PARD3B: variants seen among roughly 807,000 people sequenced by gnomAD.
PARD3B encodes the protein partitioning defective 3 homolog B.
In PARD3B, 103 loss-of-function variants were observed where a neutral mutation model predicts 130.2. The ratio of observed to expected loss-of-function variants is 0.79; its 90% CI spans 0.67 to 0.93. The LOEUF is 0.93. PARD3B is among the 40% of genes least tolerant of loss of function. The pLI, the probability that PARD3B is intolerant of heterozygous loss-of-function variation, is 0.00. For synonymous variants in PARD3B, 583 were observed against 553.2 expected, an observed-to-expected ratio of 1.05 and a Z score of -0.76; for missense variants, 1,609 against 1,499.2, an observed-to-expected ratio of 1.07 and a Z score of -1.21.
At chr2:204,684,436 A>C (rs2036982015) in intron 1 of PARD3B, among the ~76,000 whole-genome samples, 2 of 152,234 alleles carry the variant, frequency 1.3e-5, no homozygotes, top group Non-Finnish European at 2.9e-5. Context: ...TACAAGGAAT[A>C]AATAATACTT....
intron 10 of PARD3B, among the ~76,000 whole-genome samples, chr2:205,134,001 C>G (rs1007531326): frequency 1.1e-4 from 16 of 152,126 alleles, no homozygotes; most frequent in Admixed American, 8.5e-4. Context: ...CTTATCACCT[C>G]TATTGGAGGC....
rs1328385561 is a variant in PARD3B at position 205,617,679 on chromosome 2, T to C, written c.*1866T>C. ...GCACCTTTAGAGTGTTTGCAATTTGTTCGAAGTGGTTGAGGATCTCAGGCC... is the reference window on the plus strand; with the variant it reads ...GCACCTTTAGAGTGTTTGCAATTTGCTCGAAGTGGTTGAGGATCTCAGGCC... On this transcript the variant is annotated 3_prime_UTR_variant, in exon 23 of 23. Coordinates refer to ENST00000406610, the MANE Select transcript of PARD3B (RefSeq NM_001302769.2). 1 of 152,178 alleles carries C rather than the reference T, an allele frequency of 6.6e-6. No individual in the cohort carries two copies. Among genetic ancestry groups the C allele is most frequent in the African/African-American group, 2.4e-5 (1 of 41,448 alleles). The allele number at this position is 152,178 out of a possible 1,614,324, so 9.4% of individuals were successfully genotyped here.
At position 205,616,048 on chromosome 2, in the gene PARD3B, C is replaced by A; in HGVS notation, c.*235C>A. 1.9e-6 allele frequency: 1 copy of A among 525,412 alleles called. No individual in the cohort carries two copies. Among genetic ancestry groups the A allele is most frequent in the Non-Finnish European group, 3.3e-6 (1 of 299,164 alleles). The allele number at this position is 525,412 out of a possible 1,614,324, so 32.5% of individuals were successfully genotyped here. ...AGATGGGGCTATAAAAACAAAACTA[C>A]CTGATAGTTGAAACGCTTTCAGAGT... is the stretch of plus-strand genomic sequence containing the variant. On this transcript the variant is annotated 3_prime_UTR_variant, in exon 23 of 23. Coordinates refer to ENST00000406610, the MANE Select transcript of PARD3B (RefSeq NM_001302769.2).
chr2:205,008,944 C>A (rs561912982), intron 3 of PARD3B, among the ~76,000 whole-genome samples: 3 of 152,156 alleles, frequency 2.0e-5, no homozygotes, highest in African/African-American at 7.2e-5. Flanking sequence ...AATTACCATC[C>A]AGGCTACACT....
chr2:205,589,628 A>G lies in PARD3B; in HGVS notation c.3261-25828A>G, dbSNP rs550083218. ...CAAGACTTGTCTTGGCATGTTTTCTATTTATATAACTAATTGCAAATTAAT... is the reference window on the plus strand; with the variant it reads ...CAAGACTTGTCTTGGCATGTTTTCTGTTTATATAACTAATTGCAAATTAAT... On this transcript the variant is annotated intron_variant, in intron 22 of 22. Coordinates refer to ENST00000406610, the MANE Select transcript of PARD3B (RefSeq NM_001302769.2). This position sits in a 1 kb window ranked among gnomAD's most constrained non-coding sequence, Gnocchi z 4.1. Among the ~76,000 whole-genome samples the G allele has an allele frequency of 3.3e-5, 5 of 152,272 alleles. No homozygotes were observed. Among genetic ancestry groups the G allele is most frequent in the South Asian group, 2.1e-4 (1 of 4,826 alleles).
chr2:204,760,211 A>G (rs187723166), intron 2 of PARD3B, among the ~76,000 whole-genome samples: 1 of 152,256 alleles, frequency 6.6e-6, no homozygotes, highest in East Asian at 1.9e-4. Flanking sequence ...AGTGGGTTGT[A>G]ACATACTCAA....
intron 10 of PARD3B, among the ~76,000 whole-genome samples, chr2:205,127,296 C>CA (rs34822432): frequency 0.57 from 57,068 of 100,184 alleles, 14,386 homozygotes; most frequent in South Asian, 0.64. Flanking sequence ...GACTCTGTCT[C>CA]AAAAAAAAAA....
intron 4 of PARD3B, among the ~76,000 whole-genome samples, chr2:205,093,223 A>G (rs796744879): frequency 1.3e-5 from 2 of 152,150 alleles, no homozygotes; most frequent in African/African-American, 4.8e-5. Context: ...AAAGTTAACT[A>G]AGACCCTTTA....
At chr2:204,786,718 G>A (rs890363532) in intron 2 of PARD3B, among the ~76,000 whole-genome samples, 3 of 150,290 alleles carry the variant, frequency 2.0e-5, no homozygotes, top group South Asian at 2.2e-4. Flanking sequence ...TTTAGTGAGC[G>A]AATAACAAAA....
chr2:205,043,727 A>G (rs1225983728), intron 3 of PARD3B, among the ~76,000 whole-genome samples: 1 of 152,064 alleles, frequency 6.6e-6, no homozygotes, highest in Non-Finnish European at 1.5e-5. Context: ...GGTTTTGCCC[A>G]AATTATCTTC....
chr2:205,501,816 A>G (rs2050168584), intron 21 of PARD3B, among the ~76,000 whole-genome samples: 1 of 152,184 alleles, frequency 6.6e-6, no homozygotes, highest in African/African-American at 2.4e-5. Flanking sequence ...GAGCTAGATA[A>G]CTATACCCTT....
At chr2:205,546,320 G>C (rs910347638) in intron 21 of PARD3B, among the ~76,000 whole-genome samples, 1 of 152,010 alleles carries the variant, frequency 6.6e-6, no homozygotes, top group Non-Finnish European at 1.5e-5. Flanking sequence ...AAGTTCTAAC[G>C]TTACACTGTT....
intron 5 of PARD3B, among the ~76,000 whole-genome samples, chr2:205,110,294 C>A (rs1703539072): frequency 6.6e-6 from 1 of 152,202 alleles, no homozygotes; most frequent in Non-Finnish European, 1.5e-5. Context: ...AGTCTTTCTT[C>A]TGGATGGAAA....
At chr2:204,949,169 T>G (rs1459387981) in intron 2 of PARD3B, among the ~76,000 whole-genome samples, 2 of 152,198 alleles carry the variant, frequency 1.3e-5, no homozygotes, top group Non-Finnish European at 2.9e-5. Flanking sequence ...TGGGACTTAT[T>G]TCTCTTAACC....
At chr2:204,632,244 A>G (rs751196298) in intron 1 of PARD3B, among the ~76,000 whole-genome samples, 1 of 152,058 alleles carries the variant, frequency 6.6e-6, no homozygotes, top group Non-Finnish European at 1.5e-5. Context: ...GCCTTCTGCC[A>G]TGATTGTAAG....
rs773457751 is a variant in PARD3B at position 205,176,556 on chromosome 2, A to G, written c.1903A>G (p.Ser635Gly). Residue 635 changes from serine to glycine, a missense_variant, in exon 13 of 23, where the codon AGT becomes GGT. Ser to Gly is a moderately conservative substitution (Grantham distance 56). Transcript: ENST00000406610. The surrounding 1 kb of genome is among the most constrained non-coding windows in gnomAD (Gnocchi z 5.3). ...NSILHPLGTC[S>G]PQDKQKGLLL... ...TATCCTGCATCCACTTGGCACTTGCAGTCCACAAGACAAACAGAAAGGTAA... is the reference window on the plus strand; with the variant it reads ...TATCCTGCATCCACTTGGCACTTGCGGTCCACAAGACAAACAGAAAGGTAA... 1.9e-6 allele frequency: 3 copies of G among 1,611,584 alleles called. No homozygotes were observed. The highest frequency in any genetic ancestry group is 3.4e-5 in the Admixed American group (2 of 59,650).
intron 18 of PARD3B, among the ~76,000 whole-genome samples, chr2:205,320,988 TTC>T (rs1374912594): frequency 7.9e-5 from 12 of 152,234 alleles, no homozygotes; most frequent in Admixed American, 5.2e-4. Context: ...TCAGAAAGCA[TTC>T]TCTTACTAGT....
intron 21 of PARD3B, among the ~76,000 whole-genome samples, chr2:205,508,035 GA>G (rs1331023924): frequency 6.6e-6 from 1 of 152,194 alleles, no homozygotes; most frequent in Non-Finnish European, 1.5e-5. Context: ...TCTGAGTACA[GA>G]TTGTCTCAGC....
intron 3 of PARD3B, among the ~76,000 whole-genome samples, chr2:205,004,192 C>G (rs1314669669): frequency 6.6e-6 from 1 of 152,150 alleles, no homozygotes; most frequent in African/African-American, 2.4e-5. Flanking sequence ...GTCTTTAGCC[C>G]TGAAGGCTCT....
Sources: gnomAD v4.1 joint callset for allele counts (sites outside exome capture counted in the v4.1 genomes callset) on GRCh38, gnomAD v4.1.1 for gene constraint, Gnocchi (gnomAD v3.1) non-coding constraint, MANE v1.5 for transcripts, NCBI Gene and HGNC (gene_info 2026-07-23, HGNC 2026-07-21) for gene names.